TRIP12: variants seen among roughly 807,000 people sequenced by gnomAD.
TRIP12 encodes the protein thyroid hormone receptor interactor 12.
In TRIP12, 25 loss-of-function variants were observed where a neutral mutation model predicts 244.2. The ratio of observed to expected loss-of-function variants is 0.10; its 90% confidence interval spans 0.07 to 0.14. The LOEUF (loss-of-function observed/expected upper bound fraction) is 0.14. Among genes scored for constraint, TRIP12 ranks in the 10% least tolerant of loss-of-function variants. The pLI is 1.00. For missense variants in TRIP12, 1,677 were observed against 2,486.4 expected (o/e 0.67, Z 6.92); for synonymous variants, 905 against 873.1 (o/e 1.04, Z -0.64).
chr2:229,803,238 G>A (rs1315480846), intron 20 of TRIP12, among the ~76,000 whole-genome samples: 2 of 152,140 alleles, frequency 1.3e-5, no homozygotes, highest in African/African-American at 4.8e-5. Context: ...TTGAGGCAAG[G>A]AGTTTGACAT....
At position 229,907,909 on chromosome 2, in the gene TRIP12, A is replaced by C. The variant is rs531806575; in HGVS notation, c.-50+13971T>G. Among the ~76,000 whole-genome samples the C allele has an allele frequency of 2.6e-4, 39 of 152,248 alleles. 1 individual carries two copies. In the South Asian group the frequency reaches 7.5e-3, roughly 29 times the overall value. On this transcript the variant is annotated intron_variant, in intron 1 of 41. Coordinates refer to ENST00000675903, the MANE Select transcript of TRIP12 (RefSeq NM_001348323.3). ...ACATATATTAACTAATTTAATCCTCATAACAATCAGGATATATATACTATT... is the reference window on the plus strand; with the variant it reads ...ACATATATTAACTAATTTAATCCTCCTAACAATCAGGATATATATACTATT...
chr2:229,834,297 C>G (rs1295893898), intron 6 of TRIP12, among the ~76,000 whole-genome samples: 3 of 152,178 alleles, frequency 2.0e-5, no homozygotes, highest in Admixed American at 2.0e-4. Flanking sequence ...GTGATCTAAC[C>G]CTGATCATTT....
chr2:229,829,207 A>C lies in TRIP12; in HGVS notation c.1436T>G (p.Ile479Ser), dbSNP rs201122894. 2 of 1,613,848 alleles carry C rather than the reference A, an allele frequency of 1.2e-6. No homozygotes were observed. The highest frequency in any genetic ancestry group is 2.2e-5 in the South Asian group (2 of 91,022). ...TTTTTACTTACTAGCTCCACTTCCA[A>C]TTGTTCTATGGAAAAGCTGTGACAT... is the stretch of plus-strand genomic sequence containing the variant. ...PRMSQLFHRTIGSGASSKAQQ... is the reference protein window; with the variant it reads ...PRMSQLFHRTSGSGASSKAQQ... The change falls in exon 8 of 42, where the codon ATT becomes AGT. Residue 479 changes from isoleucine to serine, a missense_variant. Ile to Ser is a moderately radical substitution (Grantham distance 142, BLOSUM62 -2). Around this residue, in one of 11 missense-constraint regions of TRIP12, gnomAD observed 143 missense variants for 215.6 expected, o/e 0.66. Transcript: ENST00000675903.
intron 8 of TRIP12, among the ~76,000 whole-genome samples, chr2:229,825,421 T>A (rs1259486400): frequency 1.3e-5 from 2 of 152,174 alleles, no homozygotes; most frequent in Admixed American, 1.3e-4. Context: ...GGGGAGTGTA[T>A]TAGTCCATTC....
rs1424153610 is a variant in TRIP12 at position 229,818,574 on chromosome 2, G to A, written c.1451-62C>T. The A allele has an allele frequency of 2.0e-6, 3 of 1,474,644 alleles. No homozygotes were observed. The East Asian group carries it at 7.4e-5, about 36-fold the overall frequency. 91.3% of individuals were successfully genotyped at this position (1,474,644 alleles called of 1,614,324 possible). A position where few individuals can be genotyped will look rare whatever the true frequency, so the allele number is the denominator to read the frequency against. On this transcript the variant is annotated intron_variant, in intron 8 of 41. Transcript: ENST00000675903. ...TAAGAAAATTATTACTAGGTATAAG[G>A]TGTGACTCGAAATGTAATTGGTTGC...
intron 4 of TRIP12, among the ~76,000 whole-genome samples, chr2:229,849,089 C>A (rs1406314091): frequency 2.0e-5 from 3 of 152,176 alleles, no homozygotes; most frequent in African/African-American, 7.2e-5. Flanking sequence ...GAACAACCAT[C>A]CAGAGGCCTC....
rs1329916639 is a variant in TRIP12, at chr2:229,876,899, T to C, written c.98+3083A>G. Among the ~76,000 whole-genome samples the C allele has an allele frequency of 1.3e-5, 2 of 152,142 alleles. 1 individual carries two copies. The highest frequency in any genetic ancestry group is 1.3e-4 in the Admixed American group (2 of 15,276). On this transcript the variant is annotated intron_variant, in intron 2 of 41. Transcript: ENST00000675903. ...ATGACACATGATGTGTATTGCTATG[T>C]TGCCCAGGCTGGTCTCGAACTCCTG... is the stretch of plus-strand genomic sequence containing the variant.
At chr2:229,769,377 G>A (rs772984820) in intron 39 of TRIP12, 52 bp from the exon 40 acceptor site, 428 of 1,566,154 alleles carry the variant, frequency 2.7e-4, no homozygotes, top group Admixed American at 8.4e-4. Flanking sequence ...ATTTGTTTAC[G>A]TGAGTGAAAA....
intron 21 of TRIP12, among the ~76,000 whole-genome samples, chr2:229,801,582 G>C (rs2044362319): frequency 6.6e-6 from 1 of 152,092 alleles, no homozygotes; most frequent in Admixed American, 6.5e-5. Flanking sequence ...GTAATATTAA[G>C]CTTCTAATAG....
At chr2:229,903,908 G>A (rs1050598834) in intron 1 of TRIP12, among the ~76,000 whole-genome samples, 5 of 151,012 alleles carry the variant, frequency 3.3e-5, no homozygotes, top group African/African-American at 9.7e-5. Context: ...CGTGATGCAC[G>A]CCTATAGTCT....
chr2:229,851,143 C>G (rs953966077), intron 4 of TRIP12, among the ~76,000 whole-genome samples: 1 of 152,228 alleles, frequency 6.6e-6, no homozygotes, highest in Non-Finnish European at 1.5e-5. Flanking sequence ...CGTGCAGCCC[C>G]GGTGCAGGAT....
Position 229,830,577 on chromosome 2 carries a change from G to A in TRIP12, c.1354+179C>T, listed in dbSNP as rs553481724. Among the ~76,000 whole-genome samples the A allele has an allele frequency of 1.4e-4, 21 of 151,992 alleles. No homozygotes were observed. The South Asian group carries it at 3.1e-3, about 23-fold the overall frequency. ...AGTGAAACAGTAAACACGAAGAGGC[G>A]GACAGCTCATCTTCCAATTCCAAAT... On this transcript the variant is annotated intron_variant, in intron 7 of 41. Coordinates refer to ENST00000675903, the MANE Select transcript of TRIP12 (RefSeq NM_001348323.3).
rs566406610 is a variant in TRIP12 at position 229,808,157 on chromosome 2, G to A, written c.2339+95C>T. ...AATTTTTTGTATTTTTAGTAGAGACGGGTTTTCATCATGTTGGCCAGGCTG... is the reference window on the plus strand; with the variant it reads ...AATTTTTTGTATTTTTAGTAGAGACAGGTTTTCATCATGTTGGCCAGGCTG... On this transcript the variant is annotated intron_variant, in intron 16 of 41. Transcript: ENST00000675903. 9.9e-5 allele frequency: 91 copies of A among 922,458 alleles called. No individual in the cohort carries two copies. The African/African-American group carries it at 1.3e-3, about 13-fold the overall frequency. 57.1% of individuals were successfully genotyped at this position (922,458 alleles called of 1,614,324 possible). A position where few individuals can be genotyped will look rare whatever the true frequency, so the allele number is the denominator to read the frequency against.
intron 31 of TRIP12, 25 bp from the exon 32 acceptor site, chr2:229,788,965 A>G (rs748043935): frequency 6.4e-7 from 1 of 1,558,736 alleles, no homozygotes; most frequent in Non-Finnish European, 8.7e-7. Flanking sequence ...AAAAAAAAAA[A>G]GTCTACATGT....
intron 1 of TRIP12, among the ~76,000 whole-genome samples, chr2:229,901,619 T>TAA (rs1488469023): frequency 1.0e-4 from 1 of 9,980 alleles, no homozygotes. Context: ...TGAGACTGTC[T>TAA]GAAAAAAAAA....
intron 1 of TRIP12, among the ~76,000 whole-genome samples, chr2:229,882,691 A>C (rs2065128237): frequency 6.6e-6 from 1 of 152,246 alleles, no homozygotes. Flanking sequence ...ATAGTATTAT[A>C]AACAAGGTTA....
intron 34 of TRIP12, among the ~76,000 whole-genome samples, chr2:229,781,809 T>A (rs1236092423): frequency 2.6e-5 from 4 of 152,164 alleles, no homozygotes; most frequent in Non-Finnish European, 4.4e-5. Context: ...GCCCTATGCA[T>A]CTCACAAAGT....
At chr2:229,771,415 A>G in intron 39 of TRIP12, 104 bp downstream of exon 39, 1 of 908,798 alleles carries the variant, frequency 1.1e-6, no homozygotes, top group Non-Finnish European at 1.7e-6. Context: ...TCTAACACCC[A>G]TTTTTTTGTT....
chr2:229,797,220 A>C (rs145815568), intron 24 of TRIP12, among the ~76,000 whole-genome samples: 1 of 152,224 alleles, frequency 6.6e-6, no homozygotes, highest in African/African-American at 2.4e-5. Flanking sequence ...AGGTACATCA[A>C]AAACATCAAA....
Sources: allele counts gnomAD v4.1 joint callset (sites outside exome capture counted in the v4.1 genomes callset), GRCh38; gene constraint gnomAD v4.1.1; regional missense constraint gnomAD v4.1.1; transcripts MANE v1.5; gene names NCBI Gene and HGNC (gene_info 2026-07-23, HGNC 2026-07-21).